Variants in BMP5 observed in about 807,000 individuals in gnomAD.
BMP5 encodes bone morphogenetic protein 5.
Under a neutral mutation model 46.6 loss-of-function variants are expected in BMP5, and 23 were observed. That is an observed-to-expected ratio of 0.49 (90% confidence interval 0.35 to 0.70). The LOEUF (loss-of-function observed/expected upper bound fraction) is 0.70. Ranked by LOEUF, BMP5 falls within the 30% of genes least tolerant of loss-of-function variation. The probability of loss-of-function intolerance (pLI) is 0.00; values close to 1 mark genes in which losing one functional copy is unlikely to be tolerated. For missense variants in BMP5, 545 were observed against 565.6 expected (o/e 0.96, Z 0.37); for synonymous variants, 204 against 191.9 (o/e 1.06, Z -0.52).
At chr6:55,852,641 T>C (rs965341996) in intron 1 of BMP5, among the ~76,000 whole-genome samples, 2 of 152,178 alleles carry the variant, frequency 1.3e-5, no homozygotes, top group Non-Finnish European at 2.9e-5. Context: ...CAATTAATTT[T>C]AGTATGTTTT....
chr6:55,859,568 A>G (rs748271108), intron 1 of BMP5, among the ~76,000 whole-genome samples: 7 of 152,238 alleles, frequency 4.6e-5, no homozygotes, highest in Admixed American at 2.0e-4. Flanking sequence ...AACCTTACAT[A>G]AACAGTTCAA....
chr6:55,826,715 C>T (rs923853607), intron 1 of BMP5, among the ~76,000 whole-genome samples: 7 of 151,088 alleles, frequency 4.6e-5, no homozygotes, highest in African/African-American at 1.7e-4. Flanking sequence ...ACAATTGTAG[C>T]AATAAATTAA....
In BMP5 at chr6:55,874,741, C is replaced by A. The variant is rs1777868369; in HGVS notation, c.125G>T (p.Arg42Ile). The change falls in exon 1 of 7, where the codon AGA (arginine) becomes ATA (isoleucine). Residue 42 changes from arginine (R) to isoleucine (I), a missense_variant. Physicochemically the swap from Arg to Ile is moderately conservative, Grantham distance 97. Transcript: ENST00000370830. Reference protein sequence around the residue: ...NHVHSSFIYRRLRNHERREIQ... With the variant: ...NHVHSSFIYRILRNHERREIQ... ...TTCCCGTCTTTCGTGGTTCCGTAGTCTTCTATAAATAAAACTGGAGTGAAC... is the reference window on the plus strand; with the variant it reads ...TTCCCGTCTTTCGTGGTTCCGTAGTATTCTATAAATAAAACTGGAGTGAAC... 3.7e-6 allele frequency: 6 copies of A among 1,613,376 alleles called. No homozygotes were observed. In the Admixed American group the frequency reaches 8.3e-5, roughly 22 times the overall value.
In BMP5 at chr6:55,772,202, G is replaced by A. The variant is rs569919539; in HGVS notation, c.1027+1847C>T. ...TAATTTTGTACTCTAAATGGTGTTA[G>A]GAAACTGGTGAAAAGTTACGTGATT... On this transcript the variant is annotated intron_variant, in intron 4 of 6. Coordinates refer to ENST00000370830, the MANE Select transcript of BMP5 (RefSeq NM_021073.4). Among the ~76,000 whole-genome samples, 3 of 152,006 alleles carry A rather than the reference G, an allele frequency of 2.0e-5. No homozygotes were observed. In the South Asian group the frequency reaches 6.2e-4, roughly 32 times the overall value.
At chr6:55,862,308 T>C (rs1475110168) in intron 1 of BMP5, among the ~76,000 whole-genome samples, 1 of 152,160 alleles carries the variant, frequency 6.6e-6, no homozygotes, top group East Asian at 1.9e-4. Context: ...GACAATCAAC[T>C]TAAAGTAATC....
At chr6:55,770,538 C>T (rs759455868) in intron 4 of BMP5, among the ~76,000 whole-genome samples, 4 of 151,870 alleles carry the variant, frequency 2.6e-5, no homozygotes, top group South Asian at 4.1e-4. Context: ...AAAACGATTT[C>T]GCTTTCTTAT....
chr6:55,782,359 A>G (rs530736135), intron 3 of BMP5, among the ~76,000 whole-genome samples: 1 of 152,280 alleles, frequency 6.6e-6, no homozygotes, highest in East Asian at 1.9e-4. Flanking sequence ...CATTCTTCTG[A>G]GTAGAAGGAA....
chr6:55,837,175 C>T (rs950635603), intron 1 of BMP5, among the ~76,000 whole-genome samples: 4 of 151,880 alleles, frequency 2.6e-5, no homozygotes, highest in African/African-American at 9.7e-5. Flanking sequence ...ACTCAGTCTC[C>T]CGAGTAGCTG....
chr6:55,787,224 C>T (rs1388445292), intron 3 of BMP5, among the ~76,000 whole-genome samples: 3 of 151,538 alleles, frequency 2.0e-5, no homozygotes, highest in Admixed American at 1.3e-4. Context: ...CTTAGGGATA[C>T]GAAGAATAAC....
At chr6:55,756,484 A>G (rs1439088786) in intron 6 of BMP5, among the ~76,000 whole-genome samples, 1 of 151,980 alleles carries the variant, frequency 6.6e-6, no homozygotes, top group African/African-American at 2.4e-5. Flanking sequence ...CAGTCTGCCT[A>G]TGATTTGAAA....
At chr6:55,850,703 T>C (rs547346423) in intron 1 of BMP5, among the ~76,000 whole-genome samples, 84 of 152,286 alleles carry the variant, frequency 5.5e-4, no homozygotes, top group Middle Eastern at 6.8e-3. Flanking sequence ...AAGCCATGTC[T>C]GTCTTTTATT....
chr6:55,814,246 G>T, intron 2 of BMP5, among the ~76,000 whole-genome samples: 1 of 151,894 alleles, frequency 6.6e-6, no homozygotes, highest in East Asian at 1.9e-4. Context: ...ATAAAGGTAG[G>T]TGTCAGAAAA....
At chr6:55,860,080 G>T (rs890985096) in intron 1 of BMP5, among the ~76,000 whole-genome samples, 5 of 152,134 alleles carry the variant, frequency 3.3e-5, no homozygotes, top group Admixed American at 2.0e-4. Context: ...TTTGAGACCA[G>T]CCTGGGCAAT....
chr6:55,795,679 AT>A (rs958928891), intron 2 of BMP5, among the ~76,000 whole-genome samples: 20 of 152,206 alleles, frequency 1.3e-4, no homozygotes, highest in East Asian at 1.9e-4. Flanking sequence ...TCTTAACTAG[AT>A]TTTTTTCTAT....
chr6:55,783,096 G>A (rs189073164), intron 3 of BMP5, among the ~76,000 whole-genome samples: 8 of 152,128 alleles, frequency 5.3e-5, no homozygotes, highest in South Asian at 4.1e-4. Flanking sequence ...TGCTTCTTTC[G>A]TTAAGTTCAG....
At chr6:55,758,939 T>C in intron 6 of BMP5, 66 bp downstream of exon 6, 1 of 1,119,432 alleles carries the variant, frequency 8.9e-7, no homozygotes, top group Non-Finnish European at 1.4e-6. Flanking sequence ...GATGCTTTCC[T>C]CTAAAACAAC....
intron 2 of BMP5, among the ~76,000 whole-genome samples, chr6:55,814,646 C>T (rs1053543643): frequency 3.9e-5 from 6 of 152,112 alleles, no homozygotes; most frequent in Admixed American, 2.0e-4. Flanking sequence ...TGTTCTTTCC[C>T]TTAAACATCT....
chr6:55,800,956 G>A (rs1775836587), intron 2 of BMP5, among the ~76,000 whole-genome samples: 2 of 152,122 alleles, frequency 1.3e-5, no homozygotes, highest in African/African-American at 4.8e-5. Context: ...TATTTGGACT[G>A]GACCACTGAA....
At chr6:55,815,335 G>A (rs891801117) in intron 2 of BMP5, among the ~76,000 whole-genome samples, 4 of 152,090 alleles carry the variant, frequency 2.6e-5, no homozygotes, top group Admixed American at 1.3e-4. Context: ...GTTCAAAAAT[G>A]TGAACTTGGT....
Sources: gnomAD v4.1 joint callset for allele counts (sites outside exome capture counted in the v4.1 genomes callset) on GRCh38, gnomAD v4.1.1 for gene constraint, MANE v1.5 for transcripts, NCBI Gene and HGNC (gene_info 2026-07-23, HGNC 2026-07-21) for gene names.